Variants in CCDC60 observed in about 807,000 individuals in gnomAD.
CCDC60 encodes the protein coiled-coil domain-containing protein 60.
CCDC60 carries 54 observed loss-of-function variants against 63.5 expected under a neutral mutation model. The ratio of observed to expected loss-of-function variants is 0.85; its 90% confidence interval spans 0.68 to 1.07. The LOEUF (loss-of-function observed/expected upper bound fraction) is 1.07, where lower values mean the gene tolerates loss of function less well. Among genes scored for constraint, CCDC60 ranks in the 50% least tolerant of loss-of-function variants. The probability of loss-of-function intolerance (pLI) is 0.00; values close to 1 mark genes in which losing one functional copy is unlikely to be tolerated. For synonymous variants in CCDC60, 206 were observed against 238.8 expected (o/e 0.86, Z 1.27); for missense variants, 651 against 684.3 (o/e 0.95, Z 0.54).
chr12:119,535,335 A>G (rs963005328), intron 13 of CCDC60, among the ~76,000 whole-genome samples: 1 of 152,074 alleles, frequency 6.6e-6, no homozygotes, highest in African/African-American at 2.4e-5. Flanking sequence ...CTAGCAGTCT[A>G]TCAATTTTGT....
chr12:119,424,808 T>G (rs1016240841), intron 1 of CCDC60, among the ~76,000 whole-genome samples: 3 of 152,220 alleles, frequency 2.0e-5, no homozygotes, highest in Non-Finnish European at 2.9e-5. Flanking sequence ...TTTATAATTA[T>G]AAAATTATAC....
At chr12:119,428,258 C>T (rs1956934427) in intron 1 of CCDC60, among the ~76,000 whole-genome samples, 2 of 152,172 alleles carry the variant, frequency 1.3e-5, no homozygotes, top group Admixed American at 6.5e-5. Flanking sequence ...TTTTTAATGC[C>T]TAATTTTTTG....
chr12:119,375,649 G>C lies in CCDC60; in HGVS notation c.90+40383G>C, dbSNP rs148873226. Among the ~76,000 whole-genome samples, 4 of 152,300 alleles carry C rather than the reference G, an allele frequency of 2.6e-5. No homozygotes were observed. In the East Asian group the frequency reaches 7.7e-4, roughly 29 times the overall value. On this transcript the variant is annotated intron_variant, in intron 1 of 13. Coordinates refer to ENST00000327554, the MANE Select transcript of CCDC60 (RefSeq NM_178499.5). ...CAAAATAATGGGGTGTGGAGTCAGG[G>C]ACTGAGAGACCAGAGTCCTTCGTCC...
intron 5 of CCDC60, 111 bp from the exon 6 acceptor site, chr12:119,499,967 C>T (rs1951808588): frequency 2.5e-6 from 2 of 805,394 alleles, no homozygotes; most frequent in African/African-American, 1.7e-5. Context: ...GGGAGGAAAT[C>T]CTAACAGAGC....
At chr12:119,354,078 C>CTT (rs5801334) in intron 1 of CCDC60, among the ~76,000 whole-genome samples, 99,365 of 151,060 alleles carry the variant, frequency 0.66, 32,907 homozygotes, top group East Asian at 0.82. Context: ...CTCTCTCTCT[C>CTT]GTCTCTCTCC....
intron 1 of CCDC60, among the ~76,000 whole-genome samples, chr12:119,388,522 C>T (rs575030590): frequency 6.6e-6 from 1 of 152,252 alleles, no homozygotes; most frequent in South Asian, 2.1e-4. Flanking sequence ...TTGTACCTAC[C>T]TGATTGTCAA....
intron 12 of CCDC60, 139 bp downstream of exon 12, chr12:119,528,885 C>T: frequency 2.5e-6 from 2 of 789,788 alleles, no homozygotes; most frequent in Non-Finnish European, 3.8e-6. Context: ...TCAACAGGAT[C>T]CCCCACCCCC....
intron 4 of CCDC60, among the ~76,000 whole-genome samples, chr12:119,481,419 G>A (rs540471600): frequency 6.6e-6 from 1 of 152,186 alleles, no homozygotes; most frequent in Admixed American, 6.5e-5. Flanking sequence ...GAGCAGGGAG[G>A]AAATGTTTCT....
At chr12:119,387,292 T>G (rs550215784) in intron 1 of CCDC60, among the ~76,000 whole-genome samples, 1 of 152,120 alleles carries the variant, frequency 6.6e-6, no homozygotes, top group Non-Finnish European at 1.5e-5. Flanking sequence ...AAATATTGTG[T>G]TTTTCTAAAC....
At chr12:119,453,666 C>G (rs926159058) in intron 2 of CCDC60, among the ~76,000 whole-genome samples, 1 of 152,150 alleles carries the variant, frequency 6.6e-6, no homozygotes, top group African/African-American at 2.4e-5. Flanking sequence ...TGCCACTTCC[C>G]AGAACTCTGT....
chr12:119,524,448 G>C (rs1291741424), intron 11 of CCDC60: 2 of 985,012 alleles, frequency 2.0e-6, no homozygotes, highest in East Asian at 2.3e-4. Context: ...ATACAACAAA[G>C]TTTGCATCAT....
intron 2 of CCDC60, among the ~76,000 whole-genome samples, chr12:119,432,309 A>C (rs748455485): frequency 4.6e-5 from 7 of 152,214 alleles, no homozygotes; most frequent in South Asian, 2.1e-4. Flanking sequence ...GCCTCCCAAA[A>C]GGGAATTGCA....
chr12:119,437,567 T>C (rs1044179509), intron 2 of CCDC60, among the ~76,000 whole-genome samples: 1 of 152,208 alleles, frequency 6.6e-6, no homozygotes, highest in African/African-American at 2.4e-5. Context: ...CCCAAATCCC[T>C]TTATGAATGA....
At chr12:119,424,056 C>G (rs1593067060) in intron 1 of CCDC60, among the ~76,000 whole-genome samples, 1 of 152,098 alleles carries the variant, frequency 6.6e-6, no homozygotes, top group Non-Finnish European at 1.5e-5. Context: ...AAAAAATTAT[C>G]GTTTAATTGC....
intron 1 of CCDC60, among the ~76,000 whole-genome samples, chr12:119,402,647 G>A (rs1313620462): frequency 6.6e-6 from 1 of 152,204 alleles, no homozygotes; most frequent in Non-Finnish European, 1.5e-5. Context: ...GTAGCACATA[G>A]TATGCACTTA....
intron 1 of CCDC60, among the ~76,000 whole-genome samples, chr12:119,350,170 A>ATTAT (rs10534165): frequency 0.036 from 5,282 of 144,782 alleles, 125 homozygotes; most frequent in Middle Eastern, 0.049. Flanking sequence ...TCTTTGCTTT[A>ATTAT]TTATTTATTT....
intron 1 of CCDC60, among the ~76,000 whole-genome samples, chr12:119,366,924 C>T (rs1193577933): frequency 1.3e-5 from 2 of 152,272 alleles, no homozygotes; most frequent in Admixed American, 6.5e-5. Flanking sequence ...CTTCTGCCTC[C>T]CAGGTTCAAG....
intron 1 of CCDC60, among the ~76,000 whole-genome samples, chr12:119,412,620 T>TC (rs1476676761): frequency 6.6e-6 from 1 of 152,170 alleles, no homozygotes; most frequent in African/African-American, 2.4e-5. Context: ...GTTCTAGCCC[T>TC]CACTCACTCG....
chr12:119,504,280 C>A (rs370214542), intron 6 of CCDC60, among the ~76,000 whole-genome samples: 2 of 152,108 alleles, frequency 1.3e-5, no homozygotes, highest in East Asian at 1.9e-4. Context: ...GAGGACATAA[C>A]CCCAAACAGT....
Sources: gnomAD v4.1 joint callset for allele counts (sites outside exome capture counted in the v4.1 genomes callset) on GRCh38, gnomAD v4.1.1 for gene constraint, MANE v1.5 for transcripts, NCBI Gene and HGNC (gene_info 2026-07-23, HGNC 2026-07-21) for gene names.